Variants in CELF2 observed in about 807,000 individuals in gnomAD.
CELF2 encodes the protein CUGBP Elav-like family member 2.
CELF2 carries 8 observed loss-of-function variants against 62.6 expected under a neutral mutation model. The ratio of observed to expected loss-of-function variants is 0.13; its 90% CI spans 0.07 to 0.23. The LOEUF is 0.23. Among genes scored for constraint, CELF2 ranks in the 10% least tolerant of loss-of-function variants. The probability of loss-of-function intolerance (pLI) is 1.00; values close to 1 mark genes in which losing one functional copy is unlikely to be tolerated. For synonymous variants in CELF2, 258 were observed against 250.0 expected (o/e 1.03, Z -0.30); for missense variants, 333 against 671.0 (o/e 0.50, Z 5.56).
At chr10:11,017,607 G>C (rs2057433747), upstream of CELF2, among the ~76,000 whole-genome samples, 1 of 152,200 alleles carries the variant, frequency 6.6e-6, no homozygotes, top group Admixed American at 6.5e-5. This position sits in a 1 kb window ranked among gnomAD's most constrained non-coding sequence, Gnocchi z 5.5. Flanking sequence ...AGTGGAGCGG[G>C]CTTTGGCGCC....
chr10:10,998,899 C>T (rs2054239142), intron 2 of CELF2, among the ~76,000 whole-genome samples: 1 of 152,140 alleles, frequency 6.6e-6, no homozygotes, highest in Non-Finnish European at 1.5e-5. Context: ...TCTTCAATGC[C>T]CTGTTCTACC....
At chr10:10,574,974 T>C in the CELF2 span, among the ~76,000 whole-genome samples, 1 of 150,298 alleles carries the variant, frequency 6.7e-6, no homozygotes, top group East Asian at 2.0e-4. Context: ...CACCTTGGCC[T>C]CCGAAAGTGC....
chr10:11,025,411 C>A (rs547684036), intron 1 of CELF2, among the ~76,000 whole-genome samples: 1 of 152,024 alleles, frequency 6.6e-6, no homozygotes, highest in South Asian at 2.1e-4. Flanking sequence ...GTGCTGTCCT[C>A]GTGGTAGCGA....
chr10:10,795,686 G>A (rs2054100216), upstream of CELF2, among the ~76,000 whole-genome samples: 1 of 152,196 alleles, frequency 6.6e-6, no homozygotes, highest in African/African-American at 2.4e-5. Flanking sequence ...TTTGCAGTAT[G>A]TGATAGCATG....
the CELF2 span, among the ~76,000 whole-genome samples, chr10:10,641,742 C>T: frequency 2.0e-5 from 3 of 152,302 alleles, no homozygotes; most frequent in African/African-American, 7.2e-5. Flanking sequence ...ATCCACTGTG[C>T]CCAGCCTATG....
chr10:11,061,959 C>A (rs1486023552), intron 1 of CELF2, among the ~76,000 whole-genome samples: 1 of 152,188 alleles, frequency 6.6e-6, no homozygotes, highest in Non-Finnish European at 1.5e-5. Context: ...ACTATAGGCA[C>A]CTGCCACCAC....
At position 11,165,392 on chromosome 10, in the gene CELF2, C is replaced by T. The variant is rs2066773469; in HGVS notation, c.75-94C>T. The T allele has an allele frequency of 6.5e-7, 1 of 1,531,670 alleles. No homozygotes were observed. 94.9% of individuals were successfully genotyped at this position (1,531,670 alleles called of 1,614,324 possible). The stretch of plus-strand genomic sequence containing the variant: ...CTTTGCCACTGCTCTTCTTCCTCCT[C>T]CTTCCGCCTCCCCGCTCCCCCACCC... On this transcript the variant is annotated intron_variant, in intron 1 of 12. Coordinates refer to ENST00000633077, the MANE Select transcript of CELF2 (RefSeq NM_001326342.2). The surrounding 1 kb of genome is among the most constrained non-coding windows in gnomAD (Gnocchi z 7.4).
At chr10:10,843,199 A>G (rs1365876795) in intron 1 of CELF2, among the ~76,000 whole-genome samples, 1 of 152,074 alleles carries the variant, frequency 6.6e-6, no homozygotes, top group Non-Finnish European at 1.5e-5. Flanking sequence ...ACAGAAAAAC[A>G]ACAAAGAAAA....
intron 3 of CELF2, among the ~76,000 whole-genome samples, chr10:11,236,420 C>G (rs2136644860): frequency 6.6e-6 from 1 of 152,258 alleles, no homozygotes; most frequent in African/African-American, 2.4e-5. Flanking sequence ...ATGGAGGATG[C>G]CTTGCGTTGT....
the CELF2 span, among the ~76,000 whole-genome samples, chr10:10,590,362 A>C: frequency 6.6e-6 from 1 of 152,244 alleles, no homozygotes; most frequent in Admixed American, 6.5e-5. Context: ...GCTTATGAGC[A>C]AGGAAATGTG....
At chr10:10,927,733 A>G (rs2065671497) in intron 2 of CELF2, among the ~76,000 whole-genome samples, 1 of 152,004 alleles carries the variant, frequency 6.6e-6, no homozygotes, top group Non-Finnish European at 1.5e-5. Context: ...CCAACCTAAA[A>G]TTTATCTTCA....
At chr10:10,752,148 T>C in the CELF2 span, among the ~76,000 whole-genome samples, 4 of 152,218 alleles carry the variant, frequency 2.6e-5, no homozygotes, top group Admixed American at 6.5e-5. Context: ...ATCCAGATGT[T>C]GGTTCCATTT....
At chr10:10,558,429 C>T in the CELF2 span, among the ~76,000 whole-genome samples, 1 of 152,074 alleles carries the variant, frequency 6.6e-6, no homozygotes, top group Non-Finnish European at 1.5e-5. Flanking sequence ...CTGCTGGATT[C>T]GTTTTGCCAG....
intron 1 of CELF2, among the ~76,000 whole-genome samples, chr10:11,121,512 CT>C (rs1484903991): frequency 1.3e-5 from 2 of 152,218 alleles, no homozygotes; most frequent in African/African-American, 4.8e-5. Flanking sequence ...ATTTGAGGCC[CT>C]ACTATGTGGT....
chr10:10,916,623 G>C (rs1358873514), intron 1 of CELF2, among the ~76,000 whole-genome samples: 1 of 152,116 alleles, frequency 6.6e-6, no homozygotes, highest in Non-Finnish European at 1.5e-5. Flanking sequence ...TGTTGTTGTT[G>C]TTGTTTTGAG....
At chr10:10,651,764 A>G in the CELF2 span, among the ~76,000 whole-genome samples, 1 of 151,850 alleles carries the variant, frequency 6.6e-6, no homozygotes, top group Non-Finnish European at 1.5e-5. Flanking sequence ...AACCACAAAG[A>G]TGGGGAAAAA....
the CELF2 span, among the ~76,000 whole-genome samples, chr10:10,696,738 A>G: frequency 6.6e-6 from 1 of 152,148 alleles, no homozygotes; most frequent in African/African-American, 2.4e-5. Context: ...GGAAAAGCGC[A>G]GTATTTGGGT....
intron 1 of CELF2, among the ~76,000 whole-genome samples, chr10:10,919,793 A>G (rs11256913): frequency 0.023 from 3,507 of 152,356 alleles, 53 homozygotes; most frequent in Middle Eastern, 0.037. Flanking sequence ...TGGAATGATC[A>G]ATGGGAATTA....
intron 1 of CELF2, chr10:11,097,344 C>G (rs529518401): frequency 6.6e-6 from 1 of 152,124 alleles, no homozygotes; most frequent in Non-Finnish European, 1.5e-5. Flanking sequence ...TTTCCATTTG[C>G]TTTTCAAGCA....
Sources: gnomAD v4.1 joint callset for allele counts (sites outside exome capture counted in the v4.1 genomes callset) on GRCh38, gnomAD v4.1.1 for gene constraint, Gnocchi (gnomAD v3.1) non-coding constraint, MANE v1.5 for transcripts, NCBI Gene and HGNC (gene_info 2026-07-23, HGNC 2026-07-21) for gene names.